AUTS2: variants seen among roughly 807,000 people sequenced by gnomAD.
The protein encoded by AUTS2 is autism susceptibility gene 2 protein.
Under a neutral mutation model 112.4 loss-of-function variants are expected in AUTS2, and 17 were observed. The ratio of observed to expected loss-of-function variants is 0.15; its 90% CI spans 0.10 to 0.23. AUTS2 has a LOEUF of 0.23. AUTS2 is among the 10% of genes least tolerant of loss of function. The probability of loss-of-function intolerance (pLI) is 1.00; values close to 1 mark genes in which losing one functional copy is unlikely to be tolerated. For missense variants in AUTS2, 1,510 were observed against 1,701.6 expected (o/e 0.89, Z 1.98); for synonymous variants, 751 against 702.7 (o/e 1.07, Z -1.09).
intron 5 of AUTS2, among the ~76,000 whole-genome samples, chr7:70,636,043 G>A (rs1158511147): frequency 6.6e-6 from 1 of 152,224 alleles, no homozygotes; most frequent in Non-Finnish European, 1.5e-5. Flanking sequence ...CTGGAAGAAG[G>A]AGTGATTTGG....
intron 5 of AUTS2, among the ~76,000 whole-genome samples, chr7:70,632,725 C>T (rs1214567575): frequency 1.3e-5 from 2 of 152,086 alleles, no homozygotes; most frequent in Non-Finnish European, 2.9e-5. Flanking sequence ...CCTGCCCTCT[C>T]CCTGAGCATG....
chr7:69,656,406 A>C (rs1378140715), intron 1 of AUTS2, among the ~76,000 whole-genome samples: 1 of 152,226 alleles, frequency 6.6e-6, no homozygotes, highest in Non-Finnish European at 1.5e-5. Context: ...AACTTGATAC[A>C]AATAGAAGAT....
intron 4 of AUTS2, among the ~76,000 whole-genome samples, chr7:70,195,816 C>G (rs1810142003): frequency 6.6e-6 from 1 of 152,158 alleles, no homozygotes; most frequent in Admixed American, 6.5e-5. Context: ...AAAATACTCT[C>G]TGGGCAATCA....
intron 2 of AUTS2, among the ~76,000 whole-genome samples, chr7:70,053,137 A>G (rs901808132): frequency 2.0e-5 from 3 of 152,198 alleles, no homozygotes; most frequent in African/African-American, 7.2e-5. Flanking sequence ...AATAAGAGAA[A>G]TTACAGATAA....
intron 2 of AUTS2, among the ~76,000 whole-genome samples, chr7:70,003,614 TTA>T (rs1352531807): frequency 8.3e-6 from 1 of 121,182 alleles, no homozygotes; most frequent in Non-Finnish European, 1.6e-5. Flanking sequence ...TATGAATGTG[TTA>T]TATATGAGTA....
chr7:70,408,848 C>G (rs1411946117), intron 4 of AUTS2, among the ~76,000 whole-genome samples: 1 of 152,170 alleles, frequency 6.6e-6, no homozygotes, highest in African/African-American at 2.4e-5. Flanking sequence ...GCTCTGCAGC[C>G]TTCCTATTTA....
Position 70,070,114 on chromosome 7 carries a change from T to C in AUTS2, c.523-48018T>C, listed in dbSNP as rs1179211998. 3.9e-5 allele frequency among the ~76,000 whole-genome samples: 6 copies of C among 152,202 alleles called. No homozygotes were observed. In the East Asian group the frequency reaches 1.2e-3, roughly 29 times the overall value. ...TGTGGTTCTCAGCAGCAATTTTAGTTAGGTTTCGTTTCATGTTTTCTGGTA... is the reference window on the plus strand; with the variant it reads ...TGTGGTTCTCAGCAGCAATTTTAGTCAGGTTTCGTTTCATGTTTTCTGGTA... On this transcript the variant is annotated intron_variant, in intron 2 of 18. Transcript: ENST00000342771.
intron 2 of AUTS2, among the ~76,000 whole-genome samples, chr7:69,919,189 T>C (rs1482559667): frequency 1.3e-5 from 2 of 152,236 alleles, no homozygotes; most frequent in African/African-American, 2.4e-5. Flanking sequence ...TTTACATTAC[T>C]GAGACCCCTT....
intron 5 of AUTS2, among the ~76,000 whole-genome samples, chr7:70,649,858 A>G (rs761937274): frequency 1.2e-4 from 18 of 152,130 alleles, no homozygotes; most frequent in Non-Finnish European, 2.1e-4. Flanking sequence ...AGCAGAGATG[A>G]TCTGTGTGCC....
chr7:70,757,800 A>G (rs1303106160), intron 6 of AUTS2, among the ~76,000 whole-genome samples: 1 of 117,444 alleles, frequency 8.5e-6, no homozygotes, highest in Non-Finnish European at 1.7e-5. Flanking sequence ...GTATTCTTCC[A>G]TGGCTTCTTT....
intron 5 of AUTS2, among the ~76,000 whole-genome samples, chr7:70,605,714 G>A (rs1320565700): frequency 6.6e-6 from 1 of 151,852 alleles, no homozygotes; most frequent in African/African-American, 2.4e-5. Flanking sequence ...ATACAACATA[G>A]CGATGAATTT....
chr7:70,325,844 C>T (rs1468930299), intron 4 of AUTS2, among the ~76,000 whole-genome samples: 4 of 152,122 alleles, frequency 2.6e-5, no homozygotes, highest in Non-Finnish European at 5.9e-5. Flanking sequence ...GAATCCAGTC[C>T]GGTGGAAGAA....
chr7:70,186,974 G>A (rs1019472614), intron 4 of AUTS2, among the ~76,000 whole-genome samples: 4 of 152,210 alleles, frequency 2.6e-5, no homozygotes, highest in African/African-American at 9.6e-5. Context: ...AGAGGTTAAA[G>A]AAACTTGCCC....
chr7:70,155,864 A>G (rs1460216721), intron 4 of AUTS2, among the ~76,000 whole-genome samples: 2 of 152,178 alleles, frequency 1.3e-5, no homozygotes, highest in Non-Finnish European at 2.9e-5. Context: ...GTGTAGAAGA[A>G]TCACTTTCAC....
intron 3 of AUTS2, among the ~76,000 whole-genome samples, chr7:70,123,350 T>C (rs1805789747): frequency 6.6e-6 from 1 of 152,222 alleles, no homozygotes; most frequent in Admixed American, 6.5e-5. Flanking sequence ...TGTGAAGGTT[T>C]GTAATATAGG....
intron 4 of AUTS2, among the ~76,000 whole-genome samples, chr7:70,238,882 G>A (rs893703246): frequency 1.3e-5 from 2 of 152,090 alleles, no homozygotes; most frequent in Non-Finnish European, 2.9e-5. Context: ...GCACTTGTTT[G>A]TGTGTGGTTA....
At chr7:70,115,714 A>T (rs931944456) in intron 2 of AUTS2, among the ~76,000 whole-genome samples, 1 of 152,238 alleles carries the variant, frequency 6.6e-6, no homozygotes, top group Non-Finnish European at 1.5e-5. Flanking sequence ...TAAGAGTTTG[A>T]TACTGCTTAT....
intron 5 of AUTS2, among the ~76,000 whole-genome samples, chr7:70,614,791 CT>C (rs892629212): frequency 6.6e-6 from 1 of 152,222 alleles, no homozygotes; most frequent in African/African-American, 2.4e-5. Context: ...AGCCTCCCCC[CT>C]GGGGAGAAAG....
At chr7:70,705,374 G>C (rs1363261409) in intron 6 of AUTS2, among the ~76,000 whole-genome samples, 1 of 152,166 alleles carries the variant, frequency 6.6e-6, no homozygotes, top group African/African-American at 2.4e-5. Flanking sequence ...GTGCATTTCG[G>C]ATTTTTACCA....
Sources: gnomAD v4.1 joint callset for allele counts (sites outside exome capture counted in the v4.1 genomes callset) on GRCh38, gnomAD v4.1.1 for gene constraint, MANE v1.5 for transcripts, NCBI Gene and HGNC (gene_info 2026-07-23, HGNC 2026-07-21) for gene names.